Variants in ELMO1 observed in about 807,000 individuals in gnomAD.
The protein encoded by ELMO1 is engulfment and cell motility 1, also known as engulfment and cell motility protein 1.
Under a neutral mutation model 98.9 loss-of-function variants are expected in ELMO1, and 26 were observed. That is an observed-to-expected ratio of 0.26 (90% CI 0.19 to 0.36). ELMO1 has a LOEUF of 0.36. ELMO1 is among the 10% of genes least tolerant of loss of function. The pLI, the probability that ELMO1 is intolerant of heterozygous loss-of-function variation, is 1.00. For synonymous variants in ELMO1, 346 were observed against 346.0 expected (o/e 1.00, Z 0.00); for missense variants, 627 against 935.2 (o/e 0.67, Z 4.30).
chr7:37,188,501 A>T (rs9297135), intron 13 of ELMO1, among the ~76,000 whole-genome samples: 28,303 of 125,686 alleles, frequency 0.23, 3,985 homozygotes, highest in East Asian at 0.26. Flanking sequence ...AAAAAAAAAA[A>T]AATAATAATA....
At chr7:37,123,568 C>T (rs184515495) in intron 14 of ELMO1, among the ~76,000 whole-genome samples, 82 of 152,132 alleles carry the variant, frequency 5.4e-4, no homozygotes, top group Non-Finnish European at 9.9e-4. Flanking sequence ...ACACATACAC[C>T]CTCCCAAGAC....
chr7:37,286,084 G>A lies in ELMO1; in HGVS notation c.193-14202C>T, dbSNP rs79909881. On this transcript the variant is annotated intron_variant, in intron 4 of 21. Coordinates refer to ENST00000310758, the MANE Select transcript of ELMO1 (RefSeq NM_014800.11). ...TTTTAAAGGGCCATTCCAGTGGCAT[G>A]AGCAGGGATCACTGAAGATGCTACT... is the stretch of plus-strand genomic sequence containing the variant. Among the ~76,000 whole-genome samples the A allele has an allele frequency of 8.5e-4, 130 of 152,208 alleles. 1 individual carries two copies. The highest frequency in any genetic ancestry group is 3.4e-3 in the Middle Eastern group (1 of 294).
chr7:37,190,481 ACATGGAAAT>A (rs1791497753), intron 13 of ELMO1, among the ~76,000 whole-genome samples: 1 of 152,150 alleles, frequency 6.6e-6, no homozygotes, highest in Admixed American at 6.5e-5. Flanking sequence ...CTAGGTTTTC[ACATGGAAAT>A]GTTATCTTTT....
At chr7:37,031,608 C>T (rs996651362) in intron 15 of ELMO1, among the ~76,000 whole-genome samples, 4 of 152,118 alleles carry the variant, frequency 2.6e-5, no homozygotes, top group African/African-American at 9.7e-5. Context: ...CCATCTGACC[C>T]TCTGCCACTT....
Position 37,315,023 on chromosome 7 carries a change from T to C in ELMO1, c.120-101A>G, listed in dbSNP as rs140369486. Reference sequence around the variant, plus strand: ...TGAACTAAGCACCCTGTGATTGGAATTGGACCAATCCCAACATATACCACA... The same window carrying C: ...TGAACTAAGCACCCTGTGATTGGAACTGGACCAATCCCAACATATACCACA... On this transcript the variant is annotated intron_variant, in intron 3 of 21. Transcript: ENST00000310758. 80 of 1,037,894 alleles carry C rather than the reference T, an allele frequency of 7.7e-5. No homozygotes were observed. The East Asian group carries it at 1.5e-3, about 20-fold the overall frequency. The allele number at this position is 1,037,894 out of a possible 1,614,324, so 64.3% of individuals were successfully genotyped here.
At chr7:37,403,828 G>T (rs1803634229) in intron 1 of ELMO1, among the ~76,000 whole-genome samples, 1 of 152,122 alleles carries the variant, frequency 6.6e-6, no homozygotes, top group Non-Finnish European at 1.5e-5. Flanking sequence ...TTACGGGCAT[G>T]AGCCACCATG....
intron 21 of ELMO1, among the ~76,000 whole-genome samples, chr7:36,857,924 G>A (rs1047000092): frequency 1.3e-5 from 2 of 152,000 alleles, no homozygotes; most frequent in African/African-American, 4.8e-5. Context: ...TATCAAAGAC[G>A]TAAGGGGTCC....
intron 15 of ELMO1, among the ~76,000 whole-genome samples, chr7:37,076,445 T>C (rs1797585790): frequency 6.6e-6 from 1 of 152,196 alleles, no homozygotes; most frequent in African/African-American, 2.4e-5. Context: ...AACGGTCTCT[T>C]TTGCCCATCT....
chr7:36,894,196 C>T (rs1431487543), intron 17 of ELMO1, among the ~76,000 whole-genome samples: 1 of 152,180 alleles, frequency 6.6e-6, no homozygotes, highest in Non-Finnish European at 1.5e-5. Flanking sequence ...AAATACCCCT[C>T]ATGTGTGAGT....
chr7:37,089,328 G>A (rs1250079934), intron 15 of ELMO1, among the ~76,000 whole-genome samples: 1 of 152,124 alleles, frequency 6.6e-6, no homozygotes, highest in Non-Finnish European at 1.5e-5. Context: ...TTCATAATGT[G>A]TAATGTAGGT....
chr7:37,220,322 C>T (rs764457003), intron 10 of ELMO1, among the ~76,000 whole-genome samples: 2 of 152,100 alleles, frequency 1.3e-5, no homozygotes, highest in Admixed American at 6.5e-5. Context: ...AAATTAAATA[C>T]CTTGTAGGTA....
intron 15 of ELMO1, among the ~76,000 whole-genome samples, chr7:37,023,605 T>G (rs1368802479): frequency 6.6e-6 from 1 of 152,164 alleles, no homozygotes; most frequent in Non-Finnish European, 1.5e-5. Flanking sequence ...AACGAGTATA[T>G]GCATGCATTT....
intron 8 of ELMO1, 69 bp from the exon 9 acceptor site, chr7:37,225,099 A>G (rs1027269117): frequency 2.5e-6 from 4 of 1,579,800 alleles, no homozygotes; most frequent in Non-Finnish European, 3.5e-6. Context: ...GAAGGGAACA[A>G]ATGAATCAAA....
At chr7:37,338,864 T>C (rs1474633798) in intron 2 of ELMO1, among the ~76,000 whole-genome samples, 3 of 152,144 alleles carry the variant, frequency 2.0e-5, no homozygotes, top group Non-Finnish European at 4.4e-5. Context: ...AAAGTCCATG[T>C]CTAAGAAGCT....
In ELMO1 at chr7:37,389,426, C is replaced by T. The variant is rs1802965425; in HGVS notation, c.-73-46663G>A. 2.6e-5 allele frequency among the ~76,000 whole-genome samples: 4 copies of T among 152,148 alleles called. No individual in the cohort carries two copies. In the South Asian group the frequency reaches 8.3e-4, roughly 32 times the overall value. Reference sequence around the variant, plus strand: ...CAGTCTTGGTAATGTTTTTAAAAGTCTATTTTAAAAAGTTGAGTGTTTTTC... The same window carrying T: ...CAGTCTTGGTAATGTTTTTAAAAGTTTATTTTAAAAAGTTGAGTGTTTTTC... On this transcript the variant is annotated intron_variant, in intron 1 of 21. Coordinates refer to ENST00000310758, the MANE Select transcript of ELMO1 (RefSeq NM_014800.11).
intron 16 of ELMO1, among the ~76,000 whole-genome samples, chr7:36,967,142 G>A (rs1346021353): frequency 6.6e-6 from 1 of 152,164 alleles, no homozygotes; most frequent in Non-Finnish European, 1.5e-5. Flanking sequence ...TAGTTTACAA[G>A]AGCTTCTCTC....
intron 16 of ELMO1, among the ~76,000 whole-genome samples, chr7:36,939,969 A>C (rs1478416452): frequency 1.3e-5 from 2 of 152,264 alleles, no homozygotes; most frequent in Non-Finnish European, 2.9e-5. Context: ...ACGTGTGCTC[A>C]ATAAATACTG....
In ELMO1 at chr7:37,216,701, G is replaced by A; in HGVS notation, c.781-6C>T. On this transcript the variant is annotated splice_polypyrimidine_tract_variant and splice_region_variant and intron_variant, in intron 10 of 21. Coordinates refer to ENST00000310758, the MANE Select transcript of ELMO1 (RefSeq NM_014800.11). ...GCCAAAATATTCGCCATCTCCTGTG[G>A]AAGAAAAACACACCCACACAAAGGC... 1 of 1,614,076 alleles carries A rather than the reference G, an allele frequency of 6.2e-7. No homozygotes were observed.
intron 19 of ELMO1, among the ~76,000 whole-genome samples, chr7:36,875,184 T>C (rs1803847563): frequency 6.6e-6 from 1 of 152,134 alleles, no homozygotes; most frequent in Non-Finnish European, 1.5e-5. Flanking sequence ...GCTATTTTGC[T>C]CCAGGCAGAA....
Sources: allele counts gnomAD v4.1 joint callset (sites outside exome capture counted in the v4.1 genomes callset), GRCh38; gene constraint gnomAD v4.1.1; transcripts MANE v1.5; gene names NCBI Gene and HGNC (gene_info 2026-07-23, HGNC 2026-07-21).